Variants in ATP8A2 observed in about 807,000 individuals in gnomAD.
ATP8A2 encodes the protein ATPase phospholipid transporting 8A2.
In ATP8A2, 100 loss-of-function variants were observed where a neutral mutation model predicts 165.6. The observed-to-expected ratio is 0.60, with a 90% CI of 0.51 to 0.71. The LOEUF (loss-of-function observed/expected upper bound fraction) is 0.71, where lower values mean the gene tolerates loss of function less well. ATP8A2 is among the 30% of genes least tolerant of loss of function. The probability of loss-of-function intolerance (pLI) is 0.00; values close to 1 mark genes in which losing one functional copy is unlikely to be tolerated. For synonymous variants in ATP8A2, 543 were observed against 548.8 expected (o/e 0.99, Z 0.15); for missense variants, 1,227 against 1,479.5 (o/e 0.83, Z 2.80).
chr13:25,771,079 G>C (rs2044609148), intron 26 of ATP8A2, among the ~76,000 whole-genome samples: 1 of 152,206 alleles, frequency 6.6e-6, no homozygotes, highest in South Asian at 2.1e-4. Flanking sequence ...AATCCTCCTG[G>C]CTCTGAAAAG....
At chr13:25,395,752 G>A (rs978841986) in intron 1 of ATP8A2, among the ~76,000 whole-genome samples, 1 of 152,096 alleles carries the variant, frequency 6.6e-6, no homozygotes, top group South Asian at 2.1e-4. Flanking sequence ...GCTCAGGGGT[G>A]TCTCAAACCC....
At chr13:25,676,195 T>A (rs2042368382) in intron 24 of ATP8A2, among the ~76,000 whole-genome samples, 1 of 152,234 alleles carries the variant, frequency 6.6e-6, no homozygotes, top group African/African-American at 2.4e-5. Context: ...GAATTTCAAA[T>A]TAGAGAATAT....
At chr13:25,629,683 A>G (rs1479167604) in intron 24 of ATP8A2, among the ~76,000 whole-genome samples, 1 of 152,118 alleles carries the variant, frequency 6.6e-6, no homozygotes, top group East Asian at 1.9e-4. Flanking sequence ...GTCATCTTTC[A>G]TTCTTTCTCT....
intron 27 of ATP8A2, among the ~76,000 whole-genome samples, chr13:25,804,189 T>A (rs1351449103): frequency 6.6e-6 from 1 of 152,216 alleles, no homozygotes; most frequent in Non-Finnish European, 1.5e-5. Flanking sequence ...TTGTCTTAAT[T>A]AATAGTCATT....
At chr13:25,668,466 T>C (rs1351778697) in intron 24 of ATP8A2, among the ~76,000 whole-genome samples, 3 of 152,196 alleles carry the variant, frequency 2.0e-5, no homozygotes, top group Non-Finnish European at 4.4e-5. Context: ...TCTTTTGTTA[T>C]TGGCTTTTGA....
At chr13:25,903,194 C>CA (rs914548826) in intron 33 of ATP8A2, among the ~76,000 whole-genome samples, 1 of 152,140 alleles carries the variant, frequency 6.6e-6, no homozygotes, top group Non-Finnish European at 1.5e-5. Flanking sequence ...TCAGGTTACT[C>CA]ATACTAGGAA....
At chr13:25,883,281 G>A (rs183205935) in intron 33 of ATP8A2, among the ~76,000 whole-genome samples, 24 of 152,212 alleles carry the variant, frequency 1.6e-4, no homozygotes, top group African/African-American at 2.6e-4. Flanking sequence ...TTAGCTGGGC[G>A]TGGTGGTGGG....
chr13:25,622,690 T>C (rs922063283), intron 24 of ATP8A2, among the ~76,000 whole-genome samples: 16 of 152,240 alleles, frequency 1.1e-4, no homozygotes, highest in African/African-American at 3.8e-4. Context: ...ACACAACACA[T>C]AGTTTCTTCA....
At chr13:25,387,215 G>A (rs1431893376) in intron 1 of ATP8A2, among the ~76,000 whole-genome samples, 1 of 152,186 alleles carries the variant, frequency 6.6e-6, no homozygotes, top group Non-Finnish European at 1.5e-5. Flanking sequence ...GCAGCCATGA[G>A]CCTCAAGCTG....
rs372308938 is a variant in ATP8A2, at chr13:25,843,382, G to GC, written c.2956+3766dup. Among the ~76,000 whole-genome samples, 636 of 151,560 alleles carry GC rather than the reference G, an allele frequency of 4.2e-3. 2 individuals are homozygous for GC. Among genetic ancestry groups the GC allele is most frequent in the East Asian group, 6.2e-3 (32 of 5,166 alleles). On this transcript the variant is annotated intron_variant, in intron 30 of 36. Coordinates refer to ENST00000381655, the MANE Select transcript of ATP8A2 (RefSeq NM_016529.6). ...CTCCTACTGTAATCTGACTGCTCAT[G>GC]CCCCCCCCGCCCAATTCATATGTCA...
Position 26,020,143 on chromosome 13 carries a change from C to G in ATP8A2, c.*158C>G, listed in dbSNP as rs150425621. The stretch of plus-strand genomic sequence containing the variant: ...GCAGTTTGTTAGTTACATATTCCCT[C>G]GCAAACCTGGAGTGCAGACCACAGG... On this transcript the variant is annotated 3_prime_UTR_variant, in exon 37 of 37. Coordinates refer to ENST00000381655, the MANE Select transcript of ATP8A2 (RefSeq NM_016529.6). 5 of 627,110 alleles carry G rather than the reference C, an allele frequency of 8.0e-6. No homozygotes were observed. The highest frequency in any genetic ancestry group is 2.7e-5 in the East Asian group (1 of 36,430). 38.8% of individuals were successfully genotyped at this position (627,110 alleles called of 1,614,324 possible).
chr13:25,970,722 T>C (rs1008263698), intron 35 of ATP8A2, among the ~76,000 whole-genome samples: 1 of 152,204 alleles, frequency 6.6e-6, no homozygotes, highest in Non-Finnish European at 1.5e-5. Context: ...GGTCAGCTGC[T>C]CATCTTCACT....
intron 35 of ATP8A2, among the ~76,000 whole-genome samples, chr13:26,006,652 A>C (rs553284318): frequency 2.0e-5 from 3 of 151,914 alleles, no homozygotes; most frequent in Admixed American, 6.6e-5. Context: ...GGGTTTTTTT[A>C]AATTAATGCT....
intron 25 of ATP8A2, among the ~76,000 whole-genome samples, chr13:25,729,983 A>G (rs2043582898): frequency 6.6e-6 from 1 of 152,160 alleles, no homozygotes; most frequent in Non-Finnish European, 1.5e-5. Flanking sequence ...GTTTTTGTTC[A>G]CATCTAACTT....
At chr13:25,641,656 A>G (rs2041525608) in intron 24 of ATP8A2, among the ~76,000 whole-genome samples, 1 of 152,116 alleles carries the variant, frequency 6.6e-6, no homozygotes, top group South Asian at 2.1e-4. Context: ...AAGAATCAAT[A>G]TCATGAAAAT....
chr13:25,891,354 G>T (rs141031289), intron 33 of ATP8A2, among the ~76,000 whole-genome samples: 7 of 152,066 alleles, frequency 4.6e-5, no homozygotes, highest in African/African-American at 1.4e-4. Flanking sequence ...ACACAGTCTC[G>T]CTCTGTCGCC....
chr13:26,023,135 A>G lies in ATP8A2; in HGVS notation c.*3150A>G, dbSNP rs1957108691. ...GCTGATCAGAACGGGCTCGGTCATA[A>G]TTTAGGAGTGGAGCTGATGTGTCTG... On this transcript the variant is annotated 3_prime_UTR_variant, in exon 37 of 37. Transcript: ENST00000381655. The G allele has an allele frequency of 6.6e-6, 1 of 152,248 alleles. No individual in the cohort carries two copies. 9.4% of individuals were successfully genotyped at this position (152,248 alleles called of 1,614,324 possible). A position where few individuals can be genotyped will look rare whatever the true frequency, so the allele number is the denominator to read the frequency against.
intron 25 of ATP8A2, among the ~76,000 whole-genome samples, chr13:25,717,933 AT>A (rs1400565861): frequency 6.6e-6 from 1 of 152,294 alleles, no homozygotes; most frequent in Admixed American, 6.5e-5. Flanking sequence ...CTCTTACTAC[AT>A]TATGTGTTTT....
chr13:25,548,782 T>C (rs2038729977), intron 10 of ATP8A2, among the ~76,000 whole-genome samples: 1 of 152,224 alleles, frequency 6.6e-6, no homozygotes, highest in African/African-American at 2.4e-5. Flanking sequence ...TGCTGTGTTG[T>C]TTAGATATTT....
Sources: gnomAD v4.1 joint callset for allele counts (sites outside exome capture counted in the v4.1 genomes callset) on GRCh38, gnomAD v4.1.1 for gene constraint, MANE v1.5 for transcripts, NCBI Gene and HGNC (gene_info 2026-07-23, HGNC 2026-07-21) for gene names.